GOLGA8B: variants seen among roughly 807,000 people sequenced by gnomAD.
GOLGA8B encodes golgin A8 family member B, also known as golgin subfamily A member 8B.
In GOLGA8B, 1 loss-of-function variant was observed where a neutral mutation model predicts 15.6. The observed-to-expected ratio is 0.06, with a 90% CI of 0.02 to 0.30. The LOEUF (loss-of-function observed/expected upper bound fraction) is 0.30. Among genes scored for constraint, GOLGA8B ranks in the 10% least tolerant of loss-of-function variants. The pLI, the probability that GOLGA8B is intolerant of heterozygous loss-of-function variation, is 1.00. For synonymous variants in GOLGA8B, 9 were observed against 80.3 expected (o/e 0.11, Z 4.75); for missense variants, 17 against 201.3 (o/e 0.08, Z 5.54).
intron 7 of GOLGA8B, among the ~76,000 whole-genome samples, chr15:34,543,252 C>T (rs535764793): frequency 1.3e-4 from 17 of 135,926 alleles, no homozygotes; most frequent in African/African-American, 4.4e-4. Context: ...CACGAACCTG[C>T]AGCCCTGGCC....
chr15:34,566,310 G>A (rs1005691193), intron 1 of GOLGA8B: 2 of 142,292 alleles, frequency 1.4e-5, no homozygotes, highest in African/African-American at 5.0e-5. Flanking sequence ...AATCATACAC[G>A]TAGAAGTATT....
chr15:34,581,667 A>G (rs1261809975), intron 1 of GOLGA8B, among the ~76,000 whole-genome samples: 1 of 152,044 alleles, frequency 6.6e-6, no homozygotes, highest in Admixed American at 6.5e-5. Context: ...GTCAGAGAAA[A>G]CATGCAAGGT....
At chr15:34,573,673 C>T (rs1304479111) in intron 1 of GOLGA8B, among the ~76,000 whole-genome samples, 1 of 152,170 alleles carries the variant, frequency 6.6e-6, no homozygotes, top group East Asian at 1.9e-4. Flanking sequence ...GTAGATGGTT[C>T]CATTTTAACT....
In GOLGA8B at chr15:34,575,480, C is replaced by T. The variant is rs551062574; in HGVS notation, c.-1123+8036G>A. Among the ~76,000 whole-genome samples the T allele has an allele frequency of 3.4e-3, 512 of 151,992 alleles. 4 individuals carry two copies. The highest frequency in any genetic ancestry group is 0.032 in the South Asian group (152 of 4,808). ...TGTTGTTATTGGCCCACCTACTTTG[C>T]TCCCAACCCACAGCAAGGGCTCTCC... On this transcript the variant is annotated intron_variant, in intron 1 of 23. Coordinates refer to ENST00000683415, the MANE Select transcript of GOLGA8B (RefSeq NM_001023567.5).
intron 1 of GOLGA8B, among the ~76,000 whole-genome samples, chr15:34,571,298 G>GT (rs1416236504): frequency 6.6e-6 from 1 of 151,946 alleles, no homozygotes; most frequent in Admixed American, 6.6e-5. Context: ...GGGTGACAAA[G>GT]TAAGACAGTC....
intron 1 of GOLGA8B, among the ~76,000 whole-genome samples, chr15:34,571,673 A>G (rs1171186322): frequency 1.3e-5 from 2 of 151,714 alleles, no homozygotes; most frequent in East Asian, 1.9e-4. Flanking sequence ...ATTTTAGATC[A>G]AAGAAGAGAT....
At position 34,563,816 on chromosome 15, in the gene GOLGA8B, T is replaced by G. The variant is rs866144116; in HGVS notation, c.-1122-9860A>C. Among the ~76,000 whole-genome samples, 174 of 144,802 alleles carry G rather than the reference T, an allele frequency of 1.2e-3. 4 individuals carry two copies. The highest frequency in any genetic ancestry group is 4.1e-3 in the African/African-American group (166 of 40,738). The allele number at this position is 144,802 out of a possible 152,430, so 95.0% of individuals were successfully genotyped here. A position where few individuals can be genotyped will look rare whatever the true frequency, so the allele number is the denominator to read the frequency against. ...GAATTACCTGATGAAATTTTCCTAA[T>G]TTTGAATCATCCTTGTATTCCTATA... On this transcript the variant is annotated intron_variant, in intron 1 of 23. Transcript: ENST00000683415.
At chr15:34,583,017 G>A (rs1355495776) in intron 1 of GOLGA8B, among the ~76,000 whole-genome samples, 2 of 152,170 alleles carry the variant, frequency 1.3e-5, no homozygotes, top group African/African-American at 4.8e-5. Context: ...ACAGGAAAAG[G>A]GAAGGGGCGA....
At position 34,567,610 on chromosome 15, in the gene GOLGA8B, C is replaced by T. The variant is rs549354287; in HGVS notation, c.-1122-13654G>A. ...GAACACTGTCATTGCAGCCCATCTC[C>T]AGCACTCTGCTCTGTATAAAAGACT... On this transcript the variant is annotated intron_variant, in intron 1 of 23. Coordinates refer to ENST00000683415, the MANE Select transcript of GOLGA8B (RefSeq NM_001023567.5). Among the ~76,000 whole-genome samples, 213 of 151,780 alleles carry T rather than the reference C, an allele frequency of 1.4e-3. 4 individuals carry two copies. The highest frequency in any genetic ancestry group is 4.9e-3 in the African/African-American group (203 of 41,136).
At chr15:34,581,106 G>A (rs1383881107) in intron 1 of GOLGA8B, among the ~76,000 whole-genome samples, 4 of 152,186 alleles carry the variant, frequency 2.6e-5, no homozygotes, top group East Asian at 3.8e-4. Flanking sequence ...CCCACCGACC[G>A]CCAGTCCTGT....
At chr15:34,569,205 T>G (rs1158082894) in intron 1 of GOLGA8B, among the ~76,000 whole-genome samples, 12 of 145,784 alleles carry the variant, frequency 8.2e-5, no homozygotes, top group African/African-American at 3.0e-4. Context: ...CTCTTCCACT[T>G]CCACTGAGCA....
chr15:34,581,914 C>G (rs1288765128), intron 1 of GOLGA8B, among the ~76,000 whole-genome samples: 1 of 152,166 alleles, frequency 6.6e-6, no homozygotes, highest in Non-Finnish European at 1.5e-5. Context: ...AAGGGCCCCC[C>G]AACAGTACTG....
At chr15:34,572,747 T>C (rs1044814128) in intron 1 of GOLGA8B, among the ~76,000 whole-genome samples, 10 of 152,314 alleles carry the variant, frequency 6.6e-5, no homozygotes, top group African/African-American at 2.2e-4. Flanking sequence ...AAAGTTCTAA[T>C]CTTTATAATT....
Position 34,526,229 on chromosome 15 carries a change from T to C in GOLGA8B, c.*1403A>G, listed in dbSNP as rs1324165953. On this transcript the variant is annotated 3_prime_UTR_variant, in exon 24 of 24. Coordinates refer to ENST00000683415, the MANE Select transcript of GOLGA8B (RefSeq NM_001023567.5). ...ATAATACATTGACATTCACAAACAG[T>C]AGATTGCAGCACAGTGTGTAAACAT... 6.7e-6 allele frequency: 1 copy of C among 150,056 alleles called. No homozygotes were observed. Among genetic ancestry groups the C allele is most frequent in the East Asian group, 1.9e-4 (1 of 5,134 alleles). 9.3% of individuals were successfully genotyped at this position (150,056 alleles called of 1,614,324 possible). A position where few individuals can be genotyped will look rare whatever the true frequency, so the allele number is the denominator to read the frequency against.
intron 1 of GOLGA8B, chr15:34,566,609 G>A (rs1207405529): frequency 1.4e-5 from 2 of 145,236 alleles, no homozygotes; most frequent in African/African-American, 5.0e-5. Flanking sequence ...AGCCTGCTTT[G>A]AACTGTAAGG....
chr15:34,583,073 C>T (rs1242439833), intron 1 of GOLGA8B, among the ~76,000 whole-genome samples: 5 of 152,160 alleles, frequency 3.3e-5, no homozygotes, highest in Admixed American at 6.5e-5. Flanking sequence ...CAGAGGCGAC[C>T]CCAAACTCAG....
At position 34,562,626 on chromosome 15, in the gene GOLGA8B, T is replaced by C. The variant is rs1163371174; in HGVS notation, c.-1122-8670A>G. Among the ~76,000 whole-genome samples the C allele has an allele frequency of 3.7e-5, 5 of 134,774 alleles. 1 individual carries two copies. The allele number at this position is 134,774 out of a possible 152,430, so 88.4% of individuals were successfully genotyped here. On this transcript the variant is annotated intron_variant, in intron 1 of 23. Coordinates refer to ENST00000683415, the MANE Select transcript of GOLGA8B (RefSeq NM_001023567.5). ...TCTTAGTTTATTTTGGTCTTATTTT[T>C]CTTTCAAAAGCCTTTCCCAAAATAT...
At chr15:34,582,276 G>T (rs1313916628) in intron 1 of GOLGA8B, among the ~76,000 whole-genome samples, 1 of 152,250 alleles carries the variant, frequency 6.6e-6, no homozygotes, top group Non-Finnish European at 1.5e-5. Context: ...GCCACCTGCA[G>T]GCTCCTGGCA....
intron 1 of GOLGA8B, among the ~76,000 whole-genome samples, chr15:34,582,145 T>C (rs1174807616): frequency 6.6e-6 from 1 of 152,158 alleles, no homozygotes; most frequent in Admixed American, 6.5e-5. Context: ...CAGGGCATCC[T>C]GGACTCCCCG....
Sources: allele counts gnomAD v4.1 joint callset (sites outside exome capture counted in the v4.1 genomes callset), GRCh38; gene constraint gnomAD v4.1.1; transcripts MANE v1.5; gene names NCBI Gene and HGNC (gene_info 2026-07-23, HGNC 2026-07-21).